The following CADPS2 variants were observed in gnomAD, a reference collection of about 807,000 sequenced individuals.
The protein encoded by CADPS2 is calcium dependent secretion activator 2, also known as calcium-dependent secretion activator 2.
In CADPS2, 93 loss-of-function variants were observed where a neutral mutation model predicts 172.5. The ratio of observed to expected loss-of-function variants is 0.54; its 90% confidence interval spans 0.46 to 0.64. The LOEUF (loss-of-function observed/expected upper bound fraction) is 0.64, where lower values mean the gene tolerates loss of function less well. CADPS2 is among the 30% of genes least tolerant of loss of function. CADPS2 has a pLI of 0.00. For synonymous variants in CADPS2, 546 were observed against 555.2 expected, an observed-to-expected ratio of 0.98 and a Z score of 0.23; for missense variants, 1,420 against 1,565.9, an observed-to-expected ratio of 0.91 and a Z score of 1.57.
chr7:122,851,611 C>T (rs1459290540), intron 1 of CADPS2, among the ~76,000 whole-genome samples: 1 of 152,264 alleles, frequency 6.6e-6, no homozygotes, highest in African/African-American at 2.4e-5. Context: ...GTTTGATGAA[C>T]TCACAGTTCC....
intron 8 of CADPS2, among the ~76,000 whole-genome samples, chr7:122,523,492 T>C (rs975949576): frequency 6.6e-6 from 1 of 152,082 alleles, no homozygotes; most frequent in African/African-American, 2.4e-5. Flanking sequence ...GATAAATATT[T>C]TTAAGTGGTT....
intron 8 of CADPS2, among the ~76,000 whole-genome samples, chr7:122,518,518 A>G (rs1177727837): frequency 9.9e-5 from 15 of 152,096 alleles, no homozygotes. Context: ...AGTCTACCAA[A>G]TAAACATATA....
intron 24 of CADPS2, chr7:122,386,444 A>G (rs1161788129): frequency 7.9e-6 from 4 of 507,538 alleles, no homozygotes; most frequent in Non-Finnish European, 1.0e-5. Context: ...TTGAAGAAAA[A>G]TAAATCAATT....
chr7:122,754,281 G>A (rs958663103), intron 1 of CADPS2, among the ~76,000 whole-genome samples: 2 of 151,792 alleles, frequency 1.3e-5, no homozygotes, highest in African/African-American at 4.8e-5. Flanking sequence ...TTATCAGTTG[G>A]TATTTCTTTA....
At chr7:122,784,985 C>T (rs1222221873) in intron 1 of CADPS2, among the ~76,000 whole-genome samples, 1 of 152,114 alleles carries the variant, frequency 6.6e-6, no homozygotes, top group East Asian at 1.9e-4. Flanking sequence ...ATCTCCAAGA[C>T]TCTTATTTTT....
At chr7:122,773,937 T>A (rs2093784290) in intron 1 of CADPS2, among the ~76,000 whole-genome samples, 2 of 152,042 alleles carry the variant, frequency 1.3e-5, no homozygotes, top group South Asian at 4.1e-4. Flanking sequence ...AGACGAATTA[T>A]AAATTTATGT....
intron 14 of CADPS2, among the ~76,000 whole-genome samples, chr7:122,462,370 GA>G (rs72390156): frequency 0.36 from 53,019 of 149,124 alleles, 9,530 homozygotes; most frequent in African/African-American, 0.44. Context: ...ACTGTTAAGA[GA>G]AAAAAAAAGA....
At chr7:122,636,892 C>T (rs1033140445) in intron 3 of CADPS2, among the ~76,000 whole-genome samples, 2 of 152,072 alleles carry the variant, frequency 1.3e-5, no homozygotes, top group African/African-American at 4.8e-5. Context: ...GTACGTCCAA[C>T]TCTCTAGTGA....
intron 8 of CADPS2, among the ~76,000 whole-genome samples, chr7:122,547,297 T>C (rs1410205852): frequency 2.0e-5 from 3 of 152,134 alleles, no homozygotes; most frequent in Non-Finnish European, 2.9e-5. Context: ...GGAAATAATA[T>C]ATTTCTTTTT....
intron 17 of CADPS2, among the ~76,000 whole-genome samples, chr7:122,429,880 G>GT (rs34791066): frequency 9.3e-4 from 136 of 146,558 alleles, no homozygotes; most frequent in Non-Finnish European, 9.1e-4. Context: ...AAACTGTGCA[G>GT]TTTTTTTTTT....
chr7:122,610,722 G>GA (rs530741705), intron 6 of CADPS2, among the ~76,000 whole-genome samples: 9 of 151,524 alleles, frequency 5.9e-5, no homozygotes, highest in East Asian at 1.9e-4. Flanking sequence ...ATTATGTGGG[G>GA]AAAAAAAACC....
intron 2 of CADPS2, among the ~76,000 whole-genome samples, chr7:122,685,063 C>A (rs2135913430): frequency 6.6e-6 from 1 of 152,024 alleles, no homozygotes. Flanking sequence ...ATTTTTTTAA[C>A]AGATGGCAAC....
In CADPS2 at chr7:122,323,873, TTATATA is replaced by T. The variant is rs71159788; in HGVS notation, c.3717+1598_3717+1603del. 7.0e-3 allele frequency among the ~76,000 whole-genome samples: 786 copies of T among 111,996 alleles called. 11 individuals carry two copies. Among genetic ancestry groups the T allele is most frequent in the African/African-American group, 0.027 (668 of 24,458 alleles). 73.5% of individuals were successfully genotyped at this position (111,996 alleles called of 152,430 possible). On this transcript the variant is annotated intron_variant, in intron 29 of 29. Coordinates refer to ENST00000449022, the MANE Select transcript of CADPS2 (RefSeq NM_017954.11). Reference sequence around the variant, plus strand: ...TGCATATTATATACATATGTATATTTTATATATATATATATATATATATATATATAT... The same window carrying T: ...TGCATATTATATACATATGTATATTTTATATATATATATATATATATATAT...
At chr7:122,708,478 ATATATATATT>A (rs1393978761) in intron 2 of CADPS2, among the ~76,000 whole-genome samples, 4 of 145,060 alleles carry the variant, frequency 2.8e-5, no homozygotes, top group East Asian at 2.0e-4. Context: ...ATATATATAT[ATATATATATT>A]GGATATGTAG....
chr7:122,521,752 A>G (rs2060816718), intron 8 of CADPS2, among the ~76,000 whole-genome samples: 1 of 152,128 alleles, frequency 6.6e-6, no homozygotes, highest in African/African-American at 2.4e-5. Flanking sequence ...GTGCTATATA[A>G]ACAGGAGATT....
intron 9 of CADPS2, among the ~76,000 whole-genome samples, chr7:122,492,553 G>C (rs993758418): frequency 1.6e-4 from 24 of 152,150 alleles, no homozygotes; most frequent in African/African-American, 5.6e-4. Flanking sequence ...TGCTACAACA[G>C]GCAGGCTCTT....
intron 17 of CADPS2, among the ~76,000 whole-genome samples, chr7:122,437,248 G>T (rs564259846): frequency 2.6e-4 from 39 of 152,180 alleles, no homozygotes; most frequent in South Asian, 1.0e-3. Flanking sequence ...GGTAACTAAG[G>T]AGGTTTCATG....
At chr7:122,776,220 T>C (rs2093877763) in intron 1 of CADPS2, among the ~76,000 whole-genome samples, 1 of 152,098 alleles carries the variant, frequency 6.6e-6, no homozygotes. Context: ...GTTCTCATGA[T>C]AGTGAATAAA....
At chr7:122,399,825 T>C (rs1362570716) in intron 20 of CADPS2, among the ~76,000 whole-genome samples, 1 of 150,814 alleles carries the variant, frequency 6.6e-6, no homozygotes, top group East Asian at 2.0e-4. Flanking sequence ...TAGCTGGGAC[T>C]ACAGGCGCCC....
Sources: allele counts gnomAD v4.1 joint callset (sites outside exome capture counted in the v4.1 genomes callset), GRCh38; gene constraint gnomAD v4.1.1; transcripts MANE v1.5; gene names NCBI Gene and HGNC (gene_info 2026-07-23, HGNC 2026-07-21).